SEMA6D: variants seen among roughly 807,000 people sequenced by gnomAD.
The protein encoded by SEMA6D is semaphorin-6D.
Under a neutral mutation model 106.6 loss-of-function variants are expected in SEMA6D, and 35 were observed. The observed-to-expected ratio is 0.33, with a 90% CI of 0.25 to 0.44. The LOEUF is 0.44. SEMA6D is among the 20% of genes least tolerant of loss of function. The pLI is 1.00. For synonymous variants in SEMA6D, 499 were observed against 487.7 expected (o/e 1.02, Z -0.31); for missense variants, 1,185 against 1,345.9 (o/e 0.88, Z 1.87).
chr15:47,508,604 TGAAAG>T (rs1213904457), intron 3 of SEMA6D, among the ~76,000 whole-genome samples: 1 of 152,192 alleles, frequency 6.6e-6, no homozygotes, highest in Non-Finnish European at 1.5e-5. Context: ...CTCAATAATT[TGAAAG>T]GAAAGAAGTA....
intron 1 of SEMA6D, among the ~76,000 whole-genome samples, chr15:47,217,541 G>A (rs2141310388): frequency 6.9e-6 from 1 of 144,194 alleles, no homozygotes; most frequent in African/African-American, 2.5e-5. Flanking sequence ...GATGTATTAA[G>A]TGAAATACAA....
At chr15:47,350,547 A>G (rs1048015057) in intron 1 of SEMA6D, among the ~76,000 whole-genome samples, 1 of 152,174 alleles carries the variant, frequency 6.6e-6, no homozygotes, top group Non-Finnish European at 1.5e-5. Flanking sequence ...CTGTCTCCAT[A>G]TACCTGGGCT....
intron 1 of SEMA6D, among the ~76,000 whole-genome samples, chr15:47,222,035 A>G (rs1208329630): frequency 6.6e-6 from 1 of 152,120 alleles, no homozygotes; most frequent in Non-Finnish European, 1.5e-5. Context: ...ACACGCATGC[A>G]CACGCACACT....
intron 1 of SEMA6D, among the ~76,000 whole-genome samples, chr15:47,230,066 G>A (rs62013980): frequency 6.6e-6 from 1 of 151,738 alleles, no homozygotes; most frequent in African/African-American, 2.4e-5. Flanking sequence ...GCTAATTTTG[G>A]CAACTCTCTT....
chr15:47,203,777 T>G (rs1264696634), intron 1 of SEMA6D, among the ~76,000 whole-genome samples: 1 of 152,214 alleles, frequency 6.6e-6, no homozygotes, highest in East Asian at 1.9e-4. Context: ...GAAAATACTT[T>G]GGGCATGTTA....
chr15:47,712,537 C>T (rs1366821627), upstream of SEMA6D, among the ~76,000 whole-genome samples: 2 of 152,082 alleles, frequency 1.3e-5, no homozygotes, highest in Non-Finnish European at 2.9e-5. Context: ...AACAGGTATC[C>T]AGTCAGTTCC....
chr15:47,623,003 A>T (rs147433237), intron 4 of SEMA6D, among the ~76,000 whole-genome samples: 1 of 152,278 alleles, frequency 6.6e-6, no homozygotes, highest in African/African-American at 2.4e-5. Flanking sequence ...AGAGAGCTCA[A>T]CCAGTCCACT....
intron 1 of SEMA6D, among the ~76,000 whole-genome samples, chr15:47,727,787 G>A (rs762227385): frequency 1.1e-4 from 17 of 152,016 alleles, no homozygotes; most frequent in Admixed American, 2.0e-4. Flanking sequence ...AGTATTCATA[G>A]CAACAGTTTT....
At chr15:47,315,579 G>C (rs886195686) in intron 1 of SEMA6D, among the ~76,000 whole-genome samples, 1 of 151,986 alleles carries the variant, frequency 6.6e-6, no homozygotes, top group Non-Finnish European at 1.5e-5. Flanking sequence ...TGTTTATTCT[G>C]GGTCTTTTGC....
At chr15:47,367,655 T>G (rs1267491103) in intron 1 of SEMA6D, among the ~76,000 whole-genome samples, 1 of 150,108 alleles carries the variant, frequency 6.7e-6, no homozygotes, top group Non-Finnish European at 1.5e-5. Context: ...TATTCTCCCC[T>G]TCCCCTAAAC....
chr15:47,197,577 A>G (rs1894444073), intron 1 of SEMA6D, among the ~76,000 whole-genome samples: 2 of 152,032 alleles, frequency 1.3e-5, no homozygotes, highest in Admixed American at 1.3e-4. Context: ...ATTAATTGAA[A>G]TAAATCCACA....
At chr15:47,667,593 C>T (rs994864426) in intron 4 of SEMA6D, among the ~76,000 whole-genome samples, 1 of 152,176 alleles carries the variant, frequency 6.6e-6, no homozygotes, top group Non-Finnish European at 1.5e-5. Context: ...TTATTTCTCA[C>T]AGTTGCAGAG....
At chr15:47,228,334 C>T (rs1231347583) in intron 1 of SEMA6D, among the ~76,000 whole-genome samples, 1 of 151,682 alleles carries the variant, frequency 6.6e-6, no homozygotes, top group Admixed American at 6.6e-5. Flanking sequence ...TACTTTTGAC[C>T]TGGGGCAAGT....
intron 3 of SEMA6D, among the ~76,000 whole-genome samples, chr15:47,584,295 C>T (rs193087868): frequency 2.2e-4 from 33 of 152,094 alleles, no homozygotes; most frequent in African/African-American, 7.2e-4. Context: ...TGGTGGCACA[C>T]GCCTATAATC....
At chr15:47,453,298 C>A (rs7171859) in intron 2 of SEMA6D, among the ~76,000 whole-genome samples, 31,755 of 148,214 alleles carry the variant, frequency 0.21, 4,068 homozygotes, top group African/African-American at 0.35. Context: ...AAAAAAAAAA[C>A]ACCCTTTCAA....
chr15:47,216,126 ATACTACT>A lies in SEMA6D; in HGVS notation c.-239+31709_-239+31715del, dbSNP rs796675708. 5.3e-5 allele frequency among the ~76,000 whole-genome samples: 8 copies of A among 152,308 alleles called. No individual in the cohort carries two copies. In the South Asian group the frequency reaches 1.5e-3, roughly 28 times the overall value. Reference sequence around the variant, plus strand: ...GAATGGTTCTTTTTTTCTTTTAAAAATACTACTAGGATGATATACCTTGTTATTTGAG... The same window carrying A: ...GAATGGTTCTTTTTTTCTTTTAAAAAAGGATGATATACCTTGTTATTTGAG... On this transcript the variant is annotated intron_variant, in intron 1 of 19. Coordinates refer to the SEMA6D transcript ENST00000558014.
chr15:47,189,549 A>G (rs1451402237), intron 1 of SEMA6D, among the ~76,000 whole-genome samples: 1 of 152,192 alleles, frequency 6.6e-6, no homozygotes, highest in Non-Finnish European at 1.5e-5. Context: ...TAAATTATCG[A>G]CCCAAGGAGG....
At chr15:47,524,529 G>T (rs1392529263) in intron 3 of SEMA6D, among the ~76,000 whole-genome samples, 2 of 152,204 alleles carry the variant, frequency 1.3e-5, no homozygotes, top group Admixed American at 6.5e-5. Flanking sequence ...AAAGATGCCT[G>T]ATACCATGGA....
At chr15:47,469,299 G>GGTGTGTGTGTGT (rs71299525) in intron 2 of SEMA6D, among the ~76,000 whole-genome samples, 15 of 149,448 alleles carry the variant, frequency 1.0e-4, no homozygotes, top group African/African-American at 3.4e-4. Context: ...GTTGCTTTAA[G>GGTGTGTGTGTGT]GTGTGTGTGT....
Sources: gnomAD v4.1 joint callset for allele counts (sites outside exome capture counted in the v4.1 genomes callset) on GRCh38, gnomAD v4.1.1 for gene constraint, MANE v1.5 for transcripts, NCBI Gene and HGNC (gene_info 2026-07-23, HGNC 2026-07-21) for gene names.